Variants in BACH2 observed in about 807,000 individuals in gnomAD.
BACH2 encodes the protein BACH transcriptional regulator 2.
Under a neutral mutation model 61.8 loss-of-function variants are expected in BACH2, and 5 were observed. The ratio of observed to expected loss-of-function variants is 0.08; its 90% CI spans 0.04 to 0.17. The LOEUF (loss-of-function observed/expected upper bound fraction) is 0.17. BACH2 is among the 10% of genes least tolerant of loss of function. The probability of loss-of-function intolerance (pLI) is 1.00; values close to 1 mark genes in which losing one functional copy is unlikely to be tolerated. For missense variants in BACH2, 824 were observed against 1,091.1 expected, an observed-to-expected ratio of 0.76 and a Z score of 3.45; for synonymous variants, 446 against 440.1, an observed-to-expected ratio of 1.01 and a Z score of -0.17.
chr6:90,263,536 T>C (rs1021160397), intron 2 of BACH2, among the ~76,000 whole-genome samples: 20 of 152,314 alleles, frequency 1.3e-4, no homozygotes, highest in African/African-American at 4.8e-4. Flanking sequence ...TATATCTTTG[T>C]TTTAAAATAG....
intron 5 of BACH2, among the ~76,000 whole-genome samples, chr6:90,029,275 G>A (rs1394482545): frequency 5.3e-5 from 8 of 152,104 alleles, no homozygotes; most frequent in Non-Finnish European, 8.8e-5. Flanking sequence ...TTCCAAGAAC[G>A]AGGGGACTTG....
At chr6:89,989,004 G>A (rs965008216) in intron 6 of BACH2, among the ~76,000 whole-genome samples, 3 of 152,074 alleles carry the variant, frequency 2.0e-5, no homozygotes, top group Non-Finnish European at 4.4e-5. Context: ...GTGAACAATC[G>A]AACCAAGGTG....
In BACH2 at chr6:89,969,117, G is replaced by A. The variant is rs543242656; in HGVS notation, c.244-17255C>T. Among the ~76,000 whole-genome samples the A allele has an allele frequency of 4.0e-3, 586 of 144,950 alleles. 3 individuals carry two copies. Among genetic ancestry groups the A allele is most frequent in the South Asian group, 0.022 (100 of 4,472 alleles). On this transcript the variant is annotated intron_variant, in intron 6 of 8. Coordinates refer to ENST00000257749, the MANE Select transcript of BACH2 (RefSeq NM_021813.4). ...TGCCCAGGCTGGAGTGCAATGGTGC[G>A]ATCTTGGCTCACCGCAACCTCCGCC... is the stretch of plus-strand genomic sequence containing the variant.
At chr6:90,030,054 A>G (rs1778878495) in intron 5 of BACH2, among the ~76,000 whole-genome samples, 1 of 152,190 alleles carries the variant, frequency 6.6e-6, no homozygotes, top group Non-Finnish European at 1.5e-5. Context: ...CCAGAAACAC[A>G]TTGCCCATTG....
At chr6:90,153,878 A>G (rs1784905483) in intron 4 of BACH2, among the ~76,000 whole-genome samples, 1 of 152,180 alleles carries the variant, frequency 6.6e-6, no homozygotes, top group African/African-American at 2.4e-5. Flanking sequence ...CATGGTGCAG[A>G]CTATGTAATT....
At chr6:89,979,540 C>T (rs1775838979) in intron 6 of BACH2, among the ~76,000 whole-genome samples, 1 of 152,176 alleles carries the variant, frequency 6.6e-6, no homozygotes, top group Admixed American at 6.5e-5. Context: ...TTCCCATCTA[C>T]TGAAATTCTA....
At chr6:90,112,315 T>C (rs1220732109) in intron 4 of BACH2, among the ~76,000 whole-genome samples, 2 of 152,034 alleles carry the variant, frequency 1.3e-5, no homozygotes, top group African/African-American at 4.8e-5. Context: ...TTTTCCAAGG[T>C]TGAAATGAAA....
chr6:90,010,423 T>C (rs1283010172), intron 5 of BACH2, among the ~76,000 whole-genome samples: 1 of 152,264 alleles, frequency 6.6e-6, no homozygotes, highest in Non-Finnish European at 1.5e-5. Context: ...TGTTGCTGCA[T>C]ATATCAAGTT....
chr6:90,279,034 G>GGT (rs1771777276), intron 1 of BACH2, among the ~76,000 whole-genome samples: 1 of 152,004 alleles, frequency 6.6e-6, no homozygotes, highest in Non-Finnish European at 1.5e-5. Context: ...TTTGAAAGCT[G>GGT]GTGTATATTG....
chr6:90,117,395 A>T (rs1783445930), intron 4 of BACH2, among the ~76,000 whole-genome samples: 1 of 151,866 alleles, frequency 6.6e-6, no homozygotes, highest in Admixed American at 6.6e-5. Context: ...GTGTAAGATT[A>T]GAGAGCACTT....
intron 5 of BACH2, among the ~76,000 whole-genome samples, chr6:90,016,691 A>T (rs1361250777): frequency 6.6e-6 from 1 of 152,202 alleles, no homozygotes; most frequent in Non-Finnish European, 1.5e-5. Context: ...ATGAGGTAAC[A>T]TTACTTGCAG....
intron 6 of BACH2, among the ~76,000 whole-genome samples, chr6:89,982,003 T>C (rs1278693315): frequency 2.0e-5 from 3 of 151,762 alleles, no homozygotes; most frequent in African/African-American, 7.3e-5. Flanking sequence ...CAAGGTCTTA[T>C]TCTGTCGCCC....
intron 5 of BACH2, among the ~76,000 whole-genome samples, chr6:90,069,593 G>GA (rs998448554): frequency 6.6e-6 from 1 of 152,012 alleles, no homozygotes; most frequent in African/African-American, 2.4e-5. Flanking sequence ...TGTTAACGTA[G>GA]AAAAAAAGAC....
intron 4 of BACH2, among the ~76,000 whole-genome samples, chr6:90,186,405 A>G (rs1452379005): frequency 6.6e-6 from 1 of 152,194 alleles, no homozygotes; most frequent in African/African-American, 2.4e-5. Context: ...AACCAAGGTT[A>G]CTGTAACTTT....
intron 4 of BACH2, among the ~76,000 whole-genome samples, chr6:90,103,315 C>T (rs943549017): frequency 6.6e-6 from 1 of 151,868 alleles, no homozygotes; most frequent in African/African-American, 2.4e-5. Context: ...TGTGGAAGAC[C>T]TTGTCCCTCC....
chr6:90,296,297 C>G (rs537098554), intron 1 of BACH2, among the ~76,000 whole-genome samples, 183 bp downstream of exon 1: 2 of 151,750 alleles, frequency 1.3e-5, no homozygotes, highest in Middle Eastern at 3.4e-3. Context: ...CTTCCCGTTC[C>G]TAGAAAATGC....
At chr6:90,287,341 C>T (rs760916634) in intron 1 of BACH2, among the ~76,000 whole-genome samples, 1 of 152,122 alleles carries the variant, frequency 6.6e-6, no homozygotes, top group Admixed American at 6.5e-5. Context: ...TGTATCAATG[C>T]AACTGGGGTG....
chr6:90,293,793 T>C (rs1033211241), intron 1 of BACH2, among the ~76,000 whole-genome samples: 6 of 152,242 alleles, frequency 3.9e-5, no homozygotes, highest in African/African-American at 1.4e-4. Flanking sequence ...TAATGGATCA[T>C]TAAATTCCAT....
chr6:90,178,757 T>C (rs1380415837), intron 4 of BACH2, among the ~76,000 whole-genome samples: 1 of 152,244 alleles, frequency 6.6e-6, no homozygotes, highest in Non-Finnish European at 1.5e-5. Flanking sequence ...GCTGCATCAA[T>C]ACTTGCTTTG....
Sources: gnomAD v4.1 joint callset for allele counts (sites outside exome capture counted in the v4.1 genomes callset) on GRCh38, gnomAD v4.1.1 for gene constraint, MANE v1.5 for transcripts, NCBI Gene and HGNC (gene_info 2026-07-23, HGNC 2026-07-21) for gene names.